CALD1: variants seen among roughly 807,000 people sequenced by gnomAD.
CALD1 encodes caldesmon 1.
Under a neutral mutation model 99.9 loss-of-function variants are expected in CALD1, and 33 were observed. That is an observed-to-expected ratio of 0.33 (90% CI 0.25 to 0.44). The LOEUF is 0.44. Among genes scored for constraint, CALD1 ranks in the 20% least tolerant of loss-of-function variants. The pLI is 1.00. For missense variants in CALD1, 861 were observed against 962.1 expected (o/e 0.89, Z 1.39); for synonymous variants, 310 against 325.0 (o/e 0.95, Z 0.50).
At chr7:134,941,317 G>C in intron 7 of CALD1, 80 bp downstream of exon 7, 1 of 1,178,388 alleles carries the variant, frequency 8.5e-7, no homozygotes, top group Non-Finnish European at 1.2e-6. Context: ...CCCATCCTGT[G>C]CTTCCAGACA....
chr7:134,722,330 T>C, the CALD1 span, among the ~76,000 whole-genome samples: 1 of 152,196 alleles, frequency 6.6e-6, no homozygotes, highest in Non-Finnish European at 1.5e-5. Flanking sequence ...TCTTCTAATC[T>C]TTTGATTTTA....
the CALD1 span, among the ~76,000 whole-genome samples, chr7:134,735,859 A>G: frequency 6.6e-6 from 1 of 152,104 alleles, no homozygotes; most frequent in Admixed American, 6.6e-5. Context: ...AAGGAGTTTG[A>G]TAAAGTCCTT....
At chr7:134,750,758 T>G (rs1168099302) in intron 1 of CALD1, among the ~76,000 whole-genome samples, 1 of 143,344 alleles carries the variant, frequency 7.0e-6, no homozygotes, top group Non-Finnish European at 1.5e-5. Flanking sequence ...TCTATATTGT[T>G]TTTTTTTCAT....
chr7:134,719,426 T>C, the CALD1 span, among the ~76,000 whole-genome samples: 2,222 of 152,196 alleles, frequency 0.015, 24 homozygotes, highest in Non-Finnish European at 0.021. Flanking sequence ...GGTGTAGACC[T>C]GTAAAAAGTA....
intron 3 of CALD1, chr7:134,891,328 C>A: frequency 8.8e-7 from 1 of 1,140,798 alleles, no homozygotes; most frequent in Non-Finnish European, 1.1e-6. Flanking sequence ...GATCGCTAAA[C>A]ATGATGGGCT....
At chr7:134,733,100 C>T in the CALD1 span, among the ~76,000 whole-genome samples, 150 of 152,342 alleles carry the variant, frequency 9.8e-4, 2 homozygotes, top group Admixed American at 6.9e-3. Flanking sequence ...TCCTCTTGAG[C>T]GCTGAACCAA....
At chr7:134,905,344 T>A (rs561113501) in intron 3 of CALD1, among the ~76,000 whole-genome samples, 1 of 152,226 alleles carries the variant, frequency 6.6e-6, no homozygotes, top group South Asian at 2.1e-4. Context: ...GTTCATTTAA[T>A]CCTTACAACT....
chr7:134,760,843 C>A (rs542702355), intron 1 of CALD1, among the ~76,000 whole-genome samples: 2 of 152,164 alleles, frequency 1.3e-5, no homozygotes, highest in East Asian at 3.9e-4. Flanking sequence ...TTTTTTTCTT[C>A]TTTCTTCCTT....
At chr7:134,954,661 A>C (rs1028044479) in intron 9 of CALD1, among the ~76,000 whole-genome samples, 4 of 152,198 alleles carry the variant, frequency 2.6e-5, no homozygotes, top group African/African-American at 9.6e-5. Flanking sequence ...AAGGTTAGAA[A>C]GATGATCCCT....
At chr7:134,909,452 G>C (rs1336646449) in intron 3 of CALD1, among the ~76,000 whole-genome samples, 3 of 152,224 alleles carry the variant, frequency 2.0e-5, no homozygotes, top group Non-Finnish European at 2.9e-5. Context: ...GGAGGCCAAG[G>C]TGGATGGATC....
intron 12 of CALD1, 22 bp downstream of exon 12, chr7:134,960,133 CTT>C (rs761664686): frequency 8.1e-6 from 13 of 1,613,536 alleles, no homozygotes; most frequent in Non-Finnish European, 1.1e-5. Flanking sequence ...ATTTTTGTCT[CTT>C]AAGTGTAGAG....
intron 1 of CALD1, among the ~76,000 whole-genome samples, chr7:134,754,568 G>A (rs1317112428): frequency 6.6e-6 from 1 of 152,216 alleles, no homozygotes; most frequent in Non-Finnish European, 1.5e-5. Context: ...TAACAGATGT[G>A]TAGTCCCGGA....
At chr7:134,863,296 T>C (rs1029634261) in intron 2 of CALD1, among the ~76,000 whole-genome samples, 1 of 152,236 alleles carries the variant, frequency 6.6e-6, no homozygotes, top group Non-Finnish European at 1.5e-5. Flanking sequence ...GCCTGCCACA[T>C]AGTACATATT....
intron 3 of CALD1, among the ~76,000 whole-genome samples, chr7:134,905,479 C>A (rs1803302552): frequency 6.6e-6 from 1 of 152,042 alleles, no homozygotes; most frequent in Non-Finnish European, 1.5e-5. Flanking sequence ...AGACTGGTGC[C>A]TGGTTTTTGG....
intron 3 of CALD1, among the ~76,000 whole-genome samples, chr7:134,895,316 G>C (rs1459035109): frequency 6.6e-6 from 1 of 150,976 alleles, no homozygotes. Flanking sequence ...GTGTGTGTGT[G>C]TGTGTGTGTG....
intron 1 of CALD1, among the ~76,000 whole-genome samples, chr7:134,837,199 A>C (rs1169606939): frequency 6.6e-6 from 1 of 152,184 alleles, no homozygotes; most frequent in Non-Finnish European, 1.5e-5. Context: ...GAGCCATTCT[A>C]CTTTCTAGAT....
the CALD1 span, among the ~76,000 whole-genome samples, chr7:134,719,403 G>A: frequency 8.5e-5 from 13 of 152,122 alleles, no homozygotes; most frequent in African/African-American, 2.9e-4. Context: ...TATGAGGCTC[G>A]CCAGAGGAAC....
intron 2 of CALD1, among the ~76,000 whole-genome samples, chr7:134,849,111 T>G (rs1403265990): frequency 6.6e-6 from 1 of 152,198 alleles, no homozygotes; most frequent in Non-Finnish European, 1.5e-5. Flanking sequence ...AATACTGTAT[T>G]TATTTTTCAT....
At chr7:134,912,817 A>T (rs1803911265) in intron 3 of CALD1, among the ~76,000 whole-genome samples, 1 of 152,184 alleles carries the variant, frequency 6.6e-6, no homozygotes, top group Non-Finnish European at 1.5e-5. Flanking sequence ...GGAACAACTG[A>T]TTGACATCAG....
Sources: allele counts gnomAD v4.1 joint callset (sites outside exome capture counted in the v4.1 genomes callset), GRCh38; gene constraint gnomAD v4.1.1; transcripts MANE v1.5; gene names NCBI Gene and HGNC (gene_info 2026-07-23, HGNC 2026-07-21).